The following EML1 variants were observed in gnomAD, a reference collection of about 807,000 sequenced individuals.
EML1 encodes the protein EMAP like 1, also known as echinoderm microtubule-associated protein-like 1.
A neutral mutation model predicts 110.4 loss-of-function variants in EML1; 27 were observed. The ratio of observed to expected loss-of-function variants is 0.24; its 90% CI spans 0.18 to 0.34. The LOEUF is 0.34. EML1 is among the 10% of genes least tolerant of loss of function. The probability of loss-of-function intolerance (pLI) is 1.00; values close to 1 mark genes in which losing one functional copy is unlikely to be tolerated. For synonymous variants in EML1, 344 were observed against 385.8 expected (o/e 0.89, Z 1.27); for missense variants, 741 against 1,030.9 (o/e 0.72, Z 3.85).
chr14:99,786,063 A>C (rs1378214945), intron 1 of EML1, among the ~76,000 whole-genome samples: 1 of 24,710 alleles, frequency 4.0e-5, no homozygotes. Flanking sequence ...TGGCTGCTCA[A>C]AAAAAAAAAA....
upstream of EML1, among the ~76,000 whole-genome samples, chr14:99,770,779 A>G (rs866994671): frequency 2.2e-5 from 2 of 91,640 alleles, no homozygotes; most frequent in African/African-American, 9.0e-5. Context: ...GTTTCCGCTG[A>G]TTTTTTTTTT....
At chr14:99,795,348 TTTGTAG>T (rs1207836812) in intron 1 of EML1, among the ~76,000 whole-genome samples, 2 of 152,246 alleles carry the variant, frequency 1.3e-5, no homozygotes, top group Non-Finnish European at 2.9e-5. Context: ...ACTCTTATAT[TTTGTAG>T]AAGTATTGGT....
intron 2 of EML1, among the ~76,000 whole-genome samples, chr14:99,856,354 C>T (rs991898413): frequency 1.3e-5 from 2 of 152,102 alleles, no homozygotes; most frequent in African/African-American, 2.4e-5. Context: ...GCAAAGTGTG[C>T]CAAATACACT....
chr14:99,778,933 C>T (rs973064657), intron 1 of EML1, among the ~76,000 whole-genome samples: 5 of 152,204 alleles, frequency 3.3e-5, no homozygotes, highest in African/African-American at 1.2e-4. Context: ...TGTTCTAAAA[C>T]ATCTGGTGCA....
intron 15 of EML1, among the ~76,000 whole-genome samples, chr14:99,917,162 C>T (rs1263232085): frequency 3.3e-5 from 5 of 152,170 alleles, no homozygotes; most frequent in East Asian, 1.9e-4. Flanking sequence ...GGGGAGTCAA[C>T]TGAAGGGGCT....
At chr14:99,768,140 C>T (rs112498138), upstream of EML1, among the ~76,000 whole-genome samples, 1,688 of 152,210 alleles carry the variant, frequency 0.011, 27 homozygotes, top group African/African-American at 0.039. Flanking sequence ...TGATCCCACA[C>T]GAAGGGTGCA....
intron 1 of EML1, among the ~76,000 whole-genome samples, chr14:99,764,675 G>A (rs1414144082): frequency 6.6e-6 from 1 of 152,200 alleles, no homozygotes. Flanking sequence ...GAGAAGGAAA[G>A]GGGAGACAAG....
upstream of EML1, among the ~76,000 whole-genome samples, chr14:99,791,778 C>G (rs185557032): frequency 5.3e-5 from 8 of 152,222 alleles, no homozygotes. Flanking sequence ...CGTGAACCCT[C>G]CAAGCGTTCC....
At chr14:99,839,256 A>G (rs1237091810) in intron 1 of EML1, among the ~76,000 whole-genome samples, 1 of 152,028 alleles carries the variant, frequency 6.6e-6, no homozygotes, top group Non-Finnish European at 1.5e-5. Flanking sequence ...TAGTCCTCAT[A>G]TTACTTTCTG....
intron 1 of EML1, among the ~76,000 whole-genome samples, chr14:99,815,861 G>A (rs575910517): frequency 1.3e-5 from 2 of 152,300 alleles, no homozygotes; most frequent in South Asian, 4.2e-4. Flanking sequence ...TGAGCATCTT[G>A]TGTCATGCTC....
chr14:99,748,205 T>G (rs2057134850), intron 1 of EML1, among the ~76,000 whole-genome samples: 1 of 151,980 alleles, frequency 6.6e-6, no homozygotes. Flanking sequence ...GGAAAGCCCC[T>G]GCCCGCAGCC....
chr14:99,883,190 T>A (rs571413329), intron 4 of EML1: 40 of 152,312 alleles, frequency 2.6e-4, no homozygotes, highest in Admixed American at 2.6e-3. Flanking sequence ...CCAGCACAAC[T>A]TTTTTCCTTT....
At chr14:99,749,830 G>A (rs534802852) in intron 1 of EML1, among the ~76,000 whole-genome samples, 23 of 152,356 alleles carry the variant, frequency 1.5e-4, no homozygotes, top group Non-Finnish European at 2.4e-4. Context: ...GATGGCACAC[G>A]TTCAATGCAG....
intron 2 of EML1, among the ~76,000 whole-genome samples, chr14:99,864,170 C>A (rs923390598): frequency 6.6e-6 from 1 of 152,176 alleles, no homozygotes; most frequent in Non-Finnish European, 1.5e-5. Flanking sequence ...ATCTTTTGCC[C>A]ATTTTTTTAA....
At chr14:99,758,526 A>G (rs2057281278) in intron 1 of EML1, among the ~76,000 whole-genome samples, 1 of 152,220 alleles carries the variant, frequency 6.6e-6, no homozygotes, top group Admixed American at 6.5e-5. Context: ...GACCAAAGGC[A>G]GGCACAGTTG....
At chr14:99,825,117 G>T (rs1210337254) in intron 1 of EML1, among the ~76,000 whole-genome samples, 1 of 152,116 alleles carries the variant, frequency 6.6e-6, no homozygotes, top group East Asian at 1.9e-4. Flanking sequence ...ACAAGTAACT[G>T]GGACTACAGG....
At chr14:99,887,011 C>G (rs995037591) in intron 4 of EML1, among the ~76,000 whole-genome samples, 1 of 152,218 alleles carries the variant, frequency 6.6e-6, no homozygotes, top group African/African-American at 2.4e-5. Context: ...GCGGTGTTGA[C>G]CGCACTGGTG....
intron 1 of EML1, among the ~76,000 whole-genome samples, chr14:99,799,177 T>C (rs2057830159): frequency 1.3e-5 from 2 of 152,234 alleles, no homozygotes; most frequent in Admixed American, 1.3e-4. Context: ...CAGTCAAATT[T>C]TGAAATCACT....
At position 99,940,549 on chromosome 14, in the gene EML1, C is replaced by G. The variant is rs1472171167; in HGVS notation, c.*437C>G. 1 of 152,868 alleles carries G rather than the reference C, an allele frequency of 6.5e-6. No individual in the cohort carries two copies. The highest frequency in any genetic ancestry group is 2.4e-5 in the African/African-American group (1 of 41,460). 9.5% of individuals were successfully genotyped at this position (152,868 alleles called of 1,614,324 possible). A position where few individuals can be genotyped will look rare whatever the true frequency, so the allele number is the denominator to read the frequency against. On this transcript the variant is annotated 3_prime_UTR_variant, in exon 22 of 22. Transcript: ENST00000262233. ...CACGATGGCTGTTGAGGAATTGGTC[C>G]TAAAAGGACAGATCACTTCAGAAGA...
Sources: allele counts gnomAD v4.1 joint callset (sites outside exome capture counted in the v4.1 genomes callset), GRCh38; gene constraint gnomAD v4.1.1; transcripts MANE v1.5; gene names NCBI Gene and HGNC (gene_info 2026-07-23, HGNC 2026-07-21).